Variants in CCDC50 observed in about 807,000 individuals in gnomAD.
The protein encoded by CCDC50 is coiled-coil domain containing 50, also known as coiled-coil domain-containing protein 50.
CCDC50 carries 54 observed loss-of-function variants against 70.2 expected under a neutral mutation model. That is an observed-to-expected ratio of 0.77 (90% confidence interval 0.62 to 0.96). CCDC50 has a LOEUF of 0.96. CCDC50 is among the 50% of genes least tolerant of loss of function. The probability of loss-of-function intolerance (pLI) is 0.00; values close to 1 mark genes in which losing one functional copy is unlikely to be tolerated. For missense variants in CCDC50, 558 were observed against 578.7 expected (o/e 0.96, Z 0.37); for synonymous variants, 216 against 198.8 (o/e 1.09, Z -0.73).
At chr3:191,364,837 C>G (rs1432343942) in intron 4 of CCDC50, among the ~76,000 whole-genome samples, 1 of 151,980 alleles carries the variant, frequency 6.6e-6, no homozygotes, top group Admixed American at 6.6e-5. Flanking sequence ...CTTCATTCCT[C>G]TTCTTCACTT....
intron 4 of CCDC50, among the ~76,000 whole-genome samples, chr3:191,367,829 G>A (rs1034870235): frequency 6.6e-6 from 1 of 152,016 alleles, no homozygotes; most frequent in African/African-American, 2.4e-5. Context: ...TCAAGGAAAT[G>A]TTTACGTTTC....
At chr3:191,383,058 A>G (rs1013315062) in intron 10 of CCDC50, among the ~76,000 whole-genome samples, 2 of 152,214 alleles carry the variant, frequency 1.3e-5, no homozygotes, top group Non-Finnish European at 2.9e-5. Context: ...GGAAGAATGT[A>G]CTTTTTGTTA....
At chr3:191,349,568 G>A (rs946573888) in intron 1 of CCDC50, among the ~76,000 whole-genome samples, 3 of 141,118 alleles carry the variant, frequency 2.1e-5, no homozygotes, top group African/African-American at 7.6e-5. Context: ...TGAAAGAATC[G>A]GAAGGATGGG....
intron 4 of CCDC50, among the ~76,000 whole-genome samples, chr3:191,367,448 C>G (rs1195217631): frequency 6.6e-6 from 1 of 152,104 alleles, no homozygotes; most frequent in Admixed American, 6.6e-5. Flanking sequence ...TAAAATGAAT[C>G]TCTTTTCTCC....
At chr3:191,369,026 C>T (rs899213831) in intron 4 of CCDC50, among the ~76,000 whole-genome samples, 2 of 152,150 alleles carry the variant, frequency 1.3e-5, no homozygotes, top group Non-Finnish European at 2.9e-5. Flanking sequence ...CAGCCTTAGA[C>T]TGTTTTTCTA....
At position 191,364,074 on chromosome 3, in the gene CCDC50, A is replaced by ATT. The variant is rs11423385; in HGVS notation, c.330+2928_330+2929dup. Among the ~76,000 whole-genome samples the ATT allele has an allele frequency of 2.8e-4, 41 of 144,580 alleles. No homozygotes were observed. The South Asian group carries it at 3.5e-3, about 12-fold the overall frequency. The allele number at this position is 144,580 out of a possible 152,430, so 94.9% of individuals were successfully genotyped here. A position where few individuals can be genotyped will look rare whatever the true frequency, so the allele number is the denominator to read the frequency against. ...TGACTAATGAACTCTCTTAGTTCTT[A>ATT]TTTTTTTTTTTTTTAGACAGAGTCT... On this transcript the variant is annotated intron_variant, in intron 4 of 11. Transcript: ENST00000392455.
chr3:191,357,193 T>G (rs767820692), intron 2 of CCDC50, 43 bp downstream of exon 2: 35 of 1,535,900 alleles, frequency 2.3e-5, no homozygotes, highest in Non-Finnish European at 4.5e-6. Flanking sequence ...TTTTCTTTTT[T>G]TAGTGGTAGC....
At chr3:191,340,993 T>A (rs1174013193) in intron 1 of CCDC50, among the ~76,000 whole-genome samples, 3 of 104,374 alleles carry the variant, frequency 2.9e-5, no homozygotes, top group Admixed American at 1.9e-4. Context: ...AGCTAATTAA[T>A]TTTTTTTTTT....
rs1051961611 is a variant in CCDC50, at chr3:191,344,718, A to G, written c.50-12370A>G. 3.9e-5 allele frequency among the ~76,000 whole-genome samples: 6 copies of G among 152,136 alleles called. No homozygotes were observed. In the East Asian group the frequency reaches 1.2e-3, roughly 29 times the overall value. ...CTCAGCCTCCTGAGTAGCTGGGACT[A>G]CAGGCACATACCACCACACCTGGCT... On this transcript the variant is annotated intron_variant, in intron 1 of 11. Transcript: ENST00000392455.
chr3:191,379,280 T>C (rs1713224543), intron 6 of CCDC50, among the ~76,000 whole-genome samples: 2 of 152,108 alleles, frequency 1.3e-5, no homozygotes, highest in African/African-American at 4.8e-5. Flanking sequence ...CACCCTCATG[T>C]GATTCGAATA....
At chr3:191,382,711 T>A in intron 9 of CCDC50, 35 bp from the exon 10 acceptor site, 2 of 1,379,508 alleles carry the variant, frequency 1.4e-6, no homozygotes, top group Non-Finnish European at 2.1e-6. Flanking sequence ...ATGTGTGTGT[T>A]ATTTTTGTTT....
chr3:191,335,230 C>T (rs565336095), intron 1 of CCDC50, among the ~76,000 whole-genome samples: 17 of 152,224 alleles, frequency 1.1e-4, no homozygotes, highest in African/African-American at 4.1e-4. Context: ...CTTGAAATCC[C>T]AGTTCTCCAA....
chr3:191,353,640 C>G lies in CCDC50; in HGVS notation c.50-3448C>G, dbSNP rs1027442538. The stretch of plus-strand genomic sequence containing the variant: ...AGTTGACTGAATATGTGATTGTTTT[C>G]CAGGTTGTGCTAGAATACTGATGGA... On this transcript the variant is annotated intron_variant, in intron 1 of 11. Coordinates refer to ENST00000392455, the MANE Select transcript of CCDC50 (RefSeq NM_178335.3). Among the ~76,000 whole-genome samples, 9 of 141,518 alleles carry G rather than the reference C, an allele frequency of 6.4e-5. 3 individuals are homozygous for G. Among genetic ancestry groups the G allele is most frequent in the African/African-American group, 2.3e-4 (9 of 39,640 alleles). 92.8% of individuals were successfully genotyped at this position (141,518 alleles called of 152,430 possible).
intron 4 of CCDC50, among the ~76,000 whole-genome samples, chr3:191,361,894 C>T (rs1451437522): frequency 6.6e-6 from 1 of 152,084 alleles, no homozygotes; most frequent in Non-Finnish European, 1.5e-5. Context: ...AGGGAGTAGT[C>T]CTTGGGAGAG....
At chr3:191,341,733 T>A (rs1184676756) in intron 1 of CCDC50, among the ~76,000 whole-genome samples, 1 of 152,160 alleles carries the variant, frequency 6.6e-6, no homozygotes, top group African/African-American at 2.4e-5. Flanking sequence ...AAAAAAAAAT[T>A]ACCCCACTCT....
rs1711663318 is a variant in CCDC50 at position 191,339,917 on chromosome 3, T to C, written c.49+10194T>C. Among the ~76,000 whole-genome samples the C allele has an allele frequency of 2.0e-5, 3 of 152,218 alleles. No individual in the cohort carries two copies. In the South Asian group the frequency reaches 6.2e-4, roughly 31 times the overall value. On this transcript the variant is annotated intron_variant, in intron 1 of 11. Coordinates refer to ENST00000392455, the MANE Select transcript of CCDC50 (RefSeq NM_178335.3). ...GTTGGATATAAGCAGATTGTTGTTATCTTGGATGCTAGAAATAGTGAAATC... is the reference window on the plus strand; with the variant it reads ...GTTGGATATAAGCAGATTGTTGTTACCTTGGATGCTAGAAATAGTGAAATC...
In CCDC50 at chr3:191,365,929, C is replaced by T. The variant is rs148255191; in HGVS notation, c.331-3990C>T. Among the ~76,000 whole-genome samples, 41 of 152,250 alleles carry T rather than the reference C, an allele frequency of 2.7e-4. 1 individual carries two copies. In the East Asian group the frequency reaches 7.3e-3, roughly 27 times the overall value. ...TCCAATGAGCATTTTCTTTGAGCATCATGTCTATGCTTCAGAAAGTTTCAG... is the reference window on the plus strand; with the variant it reads ...TCCAATGAGCATTTTCTTTGAGCATTATGTCTATGCTTCAGAAAGTTTCAG... On this transcript the variant is annotated intron_variant, in intron 4 of 11. Coordinates refer to ENST00000392455, the MANE Select transcript of CCDC50 (RefSeq NM_178335.3).
At chr3:191,349,650 C>T (rs375944073) in intron 1 of CCDC50, among the ~76,000 whole-genome samples, 4 of 141,612 alleles carry the variant, frequency 2.8e-5, no homozygotes, top group Middle Eastern at 3.6e-3. Flanking sequence ...GTGGTGATTA[C>T]GGTAAAAGCC....
chr3:191,377,350 A>AG (rs563040221), intron 6 of CCDC50, among the ~76,000 whole-genome samples: 162 of 152,320 alleles, frequency 1.1e-3, no homozygotes, highest in African/African-American at 3.5e-3. Flanking sequence ...AGAAACTAGC[A>AG]GGATGACACG....
Sources: gnomAD v4.1 joint callset for allele counts (sites outside exome capture counted in the v4.1 genomes callset) on GRCh38, gnomAD v4.1.1 for gene constraint, MANE v1.5 for transcripts, NCBI Gene and HGNC (gene_info 2026-07-23, HGNC 2026-07-21) for gene names.